The following SPAG16 variants were observed in gnomAD, a reference collection of about 807,000 sequenced individuals.
SPAG16 encodes the protein sperm-associated antigen 16 protein.
SPAG16 carries 86 observed loss-of-function variants against 80.4 expected under a neutral mutation model. That is an observed-to-expected ratio of 1.07 (90% confidence interval 0.90 to 1.28). The LOEUF (loss-of-function observed/expected upper bound fraction) is 1.28, where lower values mean the gene tolerates loss of function less well. Among genes scored for constraint, SPAG16 ranks in the 50% most tolerant of loss-of-function variants. The pLI is 0.00. For missense variants in SPAG16, 870 were observed against 765.3 expected (o/e 1.14, Z -1.61); for synonymous variants, 294 against 265.9 (o/e 1.11, Z -1.03).
chr2:213,793,439 A>T (rs2070829989), intron 10 of SPAG16, among the ~76,000 whole-genome samples: 1 of 152,142 alleles, frequency 6.6e-6, no homozygotes, highest in African/African-American at 2.4e-5. Flanking sequence ...CCTTCTGCTT[A>T]CCTTCCAGTT....
intron 7 of SPAG16, among the ~76,000 whole-genome samples, chr2:213,354,451 G>C (rs1404073106): frequency 6.6e-6 from 1 of 152,132 alleles, no homozygotes; most frequent in Non-Finnish European, 1.5e-5. Context: ...AGATCCTTGA[G>C]GAATCACCAC....
chr2:213,875,794 G>A (rs1487140908), intron 11 of SPAG16, among the ~76,000 whole-genome samples: 2 of 152,068 alleles, frequency 1.3e-5, no homozygotes, highest in East Asian at 3.8e-4. Flanking sequence ...ATGATCTGGT[G>A]TGTATTCATT....
At chr2:213,660,547 T>C (rs1287922594) in intron 10 of SPAG16, among the ~76,000 whole-genome samples, 1 of 152,116 alleles carries the variant, frequency 6.6e-6, no homozygotes, top group Non-Finnish European at 1.5e-5. Context: ...AAACCCCTTG[T>C]AGCCTTTGGA....
chr2:213,838,560 C>T (rs2074216984), intron 10 of SPAG16, among the ~76,000 whole-genome samples: 1 of 152,162 alleles, frequency 6.6e-6, no homozygotes, highest in South Asian at 2.1e-4. Context: ...CATCAAGAGA[C>T]AAAGTTATAA....
chr2:213,427,283 T>G (rs1301549984), intron 9 of SPAG16, among the ~76,000 whole-genome samples: 2 of 152,214 alleles, frequency 1.3e-5, no homozygotes, highest in Non-Finnish European at 2.9e-5. Context: ...ACATACTATT[T>G]GTTTTAGATA....
At chr2:213,517,442 A>C (rs2075474220) in intron 10 of SPAG16, among the ~76,000 whole-genome samples, 1 of 152,238 alleles carries the variant, frequency 6.6e-6, no homozygotes, top group African/African-American at 2.4e-5. Context: ...CATTTTTCAC[A>C]GAAGTAGAAA....
intron 12 of SPAG16, among the ~76,000 whole-genome samples, chr2:213,931,741 T>C (rs1204836091): frequency 6.6e-6 from 1 of 152,144 alleles, no homozygotes; most frequent in East Asian, 1.9e-4. Context: ...GCCCAGTAAA[T>C]CTTGATATTA....
intron 10 of SPAG16, among the ~76,000 whole-genome samples, chr2:213,837,273 T>A (rs1559509852): frequency 6.6e-6 from 1 of 152,226 alleles, no homozygotes; most frequent in Non-Finnish European, 1.5e-5. Flanking sequence ...AAAATTAGAA[T>A]CTATTTACTA....
At chr2:214,293,595 T>C (rs1693944211) in intron 15 of SPAG16, among the ~76,000 whole-genome samples, 1 of 152,184 alleles carries the variant, frequency 6.6e-6, no homozygotes, top group African/African-American at 2.4e-5. Flanking sequence ...AATGCTCAGG[T>C]TGGGACAGCA....
chr2:214,341,484 T>G (rs1388039523), intron 15 of SPAG16, among the ~76,000 whole-genome samples: 1 of 152,190 alleles, frequency 6.6e-6, no homozygotes, highest in Non-Finnish European at 1.5e-5. Flanking sequence ...TCAAGGAGTC[T>G]GCAGAGAAGG....
intron 10 of SPAG16, among the ~76,000 whole-genome samples, chr2:213,612,829 G>A (rs904084824): frequency 2.6e-5 from 4 of 152,002 alleles, no homozygotes; most frequent in African/African-American, 4.8e-5. Context: ...GATTACAGGT[G>A]CCTGCCACCA....
At chr2:214,072,763 T>A (rs568162981) in intron 13 of SPAG16, among the ~76,000 whole-genome samples, 1 of 152,218 alleles carries the variant, frequency 6.6e-6, no homozygotes, top group Non-Finnish European at 1.5e-5. Context: ...ATATTTTAAT[T>A]AGGAGGGGTA....
intron 10 of SPAG16, among the ~76,000 whole-genome samples, chr2:213,618,142 G>A (rs1230278968): frequency 2.0e-5 from 3 of 152,154 alleles, no homozygotes; most frequent in Non-Finnish European, 4.4e-5. Context: ...TATAACTATA[G>A]TGTCCATACC....
intron 12 of SPAG16, among the ~76,000 whole-genome samples, chr2:213,980,164 G>A (rs1236811231): frequency 1.3e-5 from 2 of 149,044 alleles, no homozygotes; most frequent in Non-Finnish European, 3.0e-5. Flanking sequence ...GGCCAACATG[G>A]TGAAACCCCG....
At chr2:213,456,076 T>G (rs2071994772) in intron 9 of SPAG16, among the ~76,000 whole-genome samples, 1 of 152,254 alleles carries the variant, frequency 6.6e-6, no homozygotes. Flanking sequence ...TTTCTGGCTC[T>G]CAGCAGTGAG....
chr2:214,132,884 C>T (rs1400463966), intron 14 of SPAG16, among the ~76,000 whole-genome samples: 6 of 151,782 alleles, frequency 4.0e-5, no homozygotes, highest in Admixed American at 2.0e-4. Context: ...CCTGAGGTCG[C>T]GAGTTCGAGA....
At chr2:213,898,272 C>A (rs2662650) in intron 11 of SPAG16, among the ~76,000 whole-genome samples, 3,817 of 152,224 alleles carry the variant, frequency 0.025, 157 homozygotes, top group African/African-American at 0.086. Context: ...ATTTCCAGAA[C>A]AACTAAGAGC....
At chr2:214,174,276 G>C (rs959338908) in intron 15 of SPAG16, among the ~76,000 whole-genome samples, 4 of 151,946 alleles carry the variant, frequency 2.6e-5, no homozygotes, top group Non-Finnish European at 5.9e-5. Flanking sequence ...ATTAGGAAAA[G>C]AGGAAGTCAA....
chr2:213,415,792 C>T (rs957552172), intron 9 of SPAG16, among the ~76,000 whole-genome samples: 4 of 152,056 alleles, frequency 2.6e-5, no homozygotes, highest in South Asian at 2.1e-4. Context: ...GGTTAACTGT[C>T]GTACACAGAA....
Sources: allele counts gnomAD v4.1 joint callset (sites outside exome capture counted in the v4.1 genomes callset), GRCh38; gene constraint gnomAD v4.1.1; transcripts MANE v1.5; gene names NCBI Gene and HGNC (gene_info 2026-07-23, HGNC 2026-07-21).